Variants in HPSE2 observed in about 807,000 individuals in gnomAD.
The protein encoded by HPSE2 is heparanase 2 (inactive), also known as inactive heparanase-2.
In HPSE2, 38 loss-of-function variants were observed where a neutral mutation model predicts 60.5. The observed-to-expected ratio is 0.63, with a 90% CI of 0.48 to 0.82. HPSE2 has a LOEUF of 0.82. Among genes scored for constraint, HPSE2 ranks in the 40% least tolerant of loss-of-function variants. HPSE2 has a pLI of 0.00. For synonymous variants in HPSE2, 295 were observed against 293.2 expected (o/e 1.01, Z -0.06); for missense variants, 713 against 740.4 (o/e 0.96, Z 0.43).
intron 4 of HPSE2, among the ~76,000 whole-genome samples, chr10:98,740,717 T>C (rs932121556): frequency 2.0e-5 from 3 of 152,192 alleles, no homozygotes; most frequent in Non-Finnish European, 4.4e-5. Context: ...TAACATGGTG[T>C]AGGTATATGG....
chr10:99,197,625 T>C (rs887910320), intron 2 of HPSE2, among the ~76,000 whole-genome samples: 1 of 152,106 alleles, frequency 6.6e-6, no homozygotes, highest in Admixed American at 6.5e-5. Flanking sequence ...ACTTAGCAAA[T>C]AGTAAAATAT....
chr10:98,838,460 AT>A (rs150325307), intron 3 of HPSE2, among the ~76,000 whole-genome samples: 16,119 of 141,964 alleles, frequency 0.11, 1,954 homozygotes, highest in African/African-American at 0.31. Context: ...GGCCTGATTC[AT>A]TTTTTTTTTT....
Position 98,930,284 on chromosome 10 carries a change from C to G in HPSE2, c.611-186228G>C, listed in dbSNP as rs573087819. On this transcript the variant is annotated intron_variant, in intron 3 of 11. Transcript: ENST00000370552. ...GTCTGCTGAGGATAATGGCTTCCAG[C>G]TTAATCTATGTTCCTGTAAAGGACA... is the stretch of plus-strand genomic sequence containing the variant. Among the ~76,000 whole-genome samples the G allele has an allele frequency of 3.9e-4, 56 of 143,788 alleles. 9 individuals carry two copies. The highest frequency in any genetic ancestry group is 1.6e-3 in the African/African-American group (55 of 35,402). The allele number at this position is 143,788 out of a possible 152,430, so 94.3% of individuals were successfully genotyped here. A position where few individuals can be genotyped will look rare whatever the true frequency, so the allele number is the denominator to read the frequency against.
intron 5 of HPSE2, among the ~76,000 whole-genome samples, chr10:98,711,373 T>C (rs1948672549): frequency 6.6e-6 from 1 of 152,164 alleles, no homozygotes; most frequent in African/African-American, 2.4e-5. Context: ...ACTGTAAGTG[T>C]GAACATTGAG....
rs1424607943 is a variant in HPSE2, at chr10:98,939,940, G to A, written c.611-195884C>T. Among the ~76,000 whole-genome samples, 29 of 143,262 alleles carry A rather than the reference G, an allele frequency of 2.0e-4. 1 individual carries two copies. Among genetic ancestry groups the A allele is most frequent in the South Asian group, 4.3e-4 (2 of 4,694 alleles). The allele number at this position is 143,262 out of a possible 152,430, so 94.0% of individuals were successfully genotyped here. A position where few individuals can be genotyped will look rare whatever the true frequency, so the allele number is the denominator to read the frequency against. ...AGGATTAAGAAACTCACTCAAAACC[G>A]CTCAACTACATGGAAACTGAACAAC... On this transcript the variant is annotated intron_variant, in intron 3 of 11. Transcript: ENST00000370552.
chr10:98,871,870 C>T (rs1377557821), intron 3 of HPSE2, among the ~76,000 whole-genome samples: 1 of 152,062 alleles, frequency 6.6e-6, no homozygotes, highest in South Asian at 2.1e-4. Context: ...TGAAAACAGC[C>T]TCAGCAATAG....
the HPSE2 span, among the ~76,000 whole-genome samples, chr10:99,267,154 C>T: frequency 5.3e-5 from 8 of 151,946 alleles, no homozygotes; most frequent in South Asian, 2.1e-4. Flanking sequence ...CAAACCAAGA[C>T]GAAATCCCTG....
chr10:99,241,030 A>C, the HPSE2 span, among the ~76,000 whole-genome samples: 1 of 152,198 alleles, frequency 6.6e-6, no homozygotes, highest in South Asian at 2.1e-4. Flanking sequence ...GGTGCTCTCA[A>C]AAAAACCCTA....
At chr10:98,767,810 ACACT>A (rs36077994) in intron 3 of HPSE2, among the ~76,000 whole-genome samples, 1,971 of 145,742 alleles carry the variant, frequency 0.014, 38 homozygotes, top group African/African-American at 0.046. Flanking sequence ...AATATACTAT[ACACT>A]TATTTAATAT....
intron 3 of HPSE2, among the ~76,000 whole-genome samples, chr10:99,098,710 T>C (rs929448196): frequency 1.3e-5 from 2 of 152,150 alleles, no homozygotes; most frequent in African/African-American, 4.8e-5. Flanking sequence ...GAAATTTCCA[T>C]AAGAAAAAAG....
At position 98,940,491 on chromosome 10, in the gene HPSE2, G is replaced by T. The variant is rs537848352; in HGVS notation, c.611-196435C>A. On this transcript the variant is annotated intron_variant, in intron 3 of 11. Transcript: ENST00000370552. Reference sequence around the variant, plus strand: ...TAAACTAGAAAATCTAGAAGAAATGGATAAATTCCTCCACACATACACCCT... The same window carrying T: ...TAAACTAGAAAATCTAGAAGAAATGTATAAATTCCTCCACACATACACCCT... Among the ~76,000 whole-genome samples the T allele has an allele frequency of 2.6e-4, 38 of 144,070 alleles. 3 individuals are homozygous for T. Among genetic ancestry groups the T allele is most frequent in the Non-Finnish European group, 4.8e-4 (32 of 67,198 alleles). 94.5% of individuals were successfully genotyped at this position (144,070 alleles called of 152,430 possible). A position where few individuals can be genotyped will look rare whatever the true frequency, so the allele number is the denominator to read the frequency against.
intron 3 of HPSE2, among the ~76,000 whole-genome samples, chr10:99,074,684 C>G (rs1389640062): frequency 6.6e-6 from 1 of 152,100 alleles, no homozygotes; most frequent in Non-Finnish European, 1.5e-5. Flanking sequence ...CTACCTAGCA[C>G]TAGGCTTTTT....
At chr10:98,678,206 G>A (rs1002556778) in intron 6 of HPSE2, among the ~76,000 whole-genome samples, 3 of 121,830 alleles carry the variant, frequency 2.5e-5, no homozygotes, top group African/African-American at 8.6e-5. Context: ...CAGTATAAAG[G>A]GCAGGAATTT....
chr10:98,800,692 GAA>G (rs1478387607), intron 3 of HPSE2, among the ~76,000 whole-genome samples: 3 of 151,704 alleles, frequency 2.0e-5, no homozygotes, highest in African/African-American at 7.3e-5. Context: ...TCCAAAATCT[GAA>G]CAGAAAAATA....
intron 3 of HPSE2, among the ~76,000 whole-genome samples, chr10:99,115,814 T>C (rs1589680991): frequency 6.6e-6 from 1 of 152,310 alleles, no homozygotes; most frequent in Middle Eastern, 3.4e-3. Flanking sequence ...ACAGAGAGCA[T>C]ATCTTTGTAC....
At chr10:98,573,994 TA>T (rs1428758580) in intron 9 of HPSE2, among the ~76,000 whole-genome samples, 1 of 152,184 alleles carries the variant, frequency 6.6e-6, no homozygotes, top group Non-Finnish European at 1.5e-5. Context: ...AATTTTAGAA[TA>T]TTTTTTACCC....
chr10:99,296,804 T>A, the HPSE2 span, among the ~76,000 whole-genome samples: 1 of 152,122 alleles, frequency 6.6e-6, no homozygotes, highest in Non-Finnish European at 1.5e-5. Context: ...TGACAGTCAG[T>A]AGGGCAGTAG....
At chr10:98,513,439 C>T (rs537392500) in intron 9 of HPSE2, among the ~76,000 whole-genome samples, 1 of 152,196 alleles carries the variant, frequency 6.6e-6, no homozygotes, top group Non-Finnish European at 1.5e-5. Flanking sequence ...GAATGGAGAC[C>T]CGTGAAGCCC....
At chr10:99,192,934 G>C (rs936266310) in intron 2 of HPSE2, among the ~76,000 whole-genome samples, 3 of 152,048 alleles carry the variant, frequency 2.0e-5, no homozygotes, top group African/African-American at 7.2e-5. Flanking sequence ...TGAGCAATAA[G>C]AAAACATCTG....
Sources: gnomAD v4.1 joint callset for allele counts (sites outside exome capture counted in the v4.1 genomes callset) on GRCh38, gnomAD v4.1.1 for gene constraint, MANE v1.5 for transcripts, NCBI Gene and HGNC (gene_info 2026-07-23, HGNC 2026-07-21) for gene names.